The following EPHA3 variants were observed in gnomAD, a reference collection of about 807,000 sequenced individuals.
EPHA3 encodes the protein ephrin type-A receptor 3.
A neutral mutation model predicts 107.1 loss-of-function variants in EPHA3; 42 were observed. The ratio of observed to expected loss-of-function variants is 0.39; its 90% confidence interval spans 0.31 to 0.51. The LOEUF is 0.51. EPHA3 is among the 20% of genes least tolerant of loss of function. The pLI is 0.78. For missense variants in EPHA3, 1,183 were observed against 1,211.2 expected, an observed-to-expected ratio of 0.98 and a Z score of 0.35; for synonymous variants, 461 against 424.8, an observed-to-expected ratio of 1.09 and a Z score of -1.05.
chr3:89,425,754 A>T (rs574474452), intron 11 of EPHA3, among the ~76,000 whole-genome samples: 3 of 151,434 alleles, frequency 2.0e-5, no homozygotes, highest in Non-Finnish European at 4.4e-5. Context: ...TATATTTCAC[A>T]TTATTCTACT....
intron 13 of EPHA3, among the ~76,000 whole-genome samples, chr3:89,433,651 G>A (rs1559694887): frequency 1.3e-5 from 2 of 152,044 alleles, no homozygotes; most frequent in Non-Finnish European, 2.9e-5. Context: ...CACTTAAAAT[G>A]TGTCCTACAT....
chr3:89,351,623 G>A (rs1275441028), intron 5 of EPHA3, among the ~76,000 whole-genome samples: 2 of 151,258 alleles, frequency 1.3e-5, no homozygotes, highest in African/African-American at 2.4e-5. Flanking sequence ...GTTCCTATTC[G>A]GCCATCTTGG....
At chr3:89,240,327 G>A (rs1478787434) in intron 3 of EPHA3, among the ~76,000 whole-genome samples, 5 of 152,020 alleles carry the variant, frequency 3.3e-5, no homozygotes, top group Non-Finnish European at 7.4e-5. Context: ...TCGGGAAAAA[G>A]CATAATTAAT....
intron 15 of EPHA3, among the ~76,000 whole-genome samples, chr3:89,458,936 C>A (rs1470656465): frequency 6.6e-6 from 1 of 152,128 alleles, no homozygotes; most frequent in Non-Finnish European, 1.5e-5. Flanking sequence ...GAACAGAAAA[C>A]CAAACACTGC....
intron 7 of EPHA3, among the ~76,000 whole-genome samples, chr3:89,401,865 G>A (rs1156886812): frequency 2.6e-5 from 4 of 152,114 alleles, no homozygotes; most frequent in African/African-American, 7.2e-5. Context: ...ACCCACCTCA[G>A]CCTCCCAAAG....
intron 2 of EPHA3, among the ~76,000 whole-genome samples, chr3:89,175,540 G>A (rs1300294694): frequency 6.6e-6 from 1 of 152,062 alleles, no homozygotes. Flanking sequence ...TTTGAACCTT[G>A]TTGAGTTATT....
At chr3:89,277,778 C>T (rs1280447622) in intron 3 of EPHA3, among the ~76,000 whole-genome samples, 1 of 152,082 alleles carries the variant, frequency 6.6e-6, no homozygotes, top group East Asian at 1.9e-4. Flanking sequence ...TTCCTTTTCC[C>T]ATTTATGAAA....
At chr3:89,216,454 A>C (rs1473332913) in intron 3 of EPHA3, among the ~76,000 whole-genome samples, 1 of 152,032 alleles carries the variant, frequency 6.6e-6, no homozygotes, top group Non-Finnish European at 1.5e-5. Flanking sequence ...GTTATTGTGA[A>C]TATGTAAAAA....
At chr3:89,413,346 C>T (rs1253736545) in intron 10 of EPHA3, 80 bp downstream of exon 10, 4 of 1,527,820 alleles carry the variant, frequency 2.6e-6, no homozygotes, top group Non-Finnish European at 3.6e-6. Flanking sequence ...AAGTATATTG[C>T]TAAAGAAATG....
intron 2 of EPHA3, among the ~76,000 whole-genome samples, chr3:89,196,497 G>T (rs1047166465): frequency 6.8e-6 from 1 of 148,046 alleles, no homozygotes; most frequent in African/African-American, 2.7e-5. Context: ...TGCATAACAG[G>T]TGTTTGATAA....
chr3:89,299,806 T>C (rs1996069), intron 3 of EPHA3, among the ~76,000 whole-genome samples: 36,101 of 151,832 alleles, frequency 0.24, 4,787 homozygotes, highest in African/African-American at 0.38. Context: ...ACACTGTATA[T>C]GAAATAGGAA....
chr3:89,343,517 T>C (rs1707579488), intron 5 of EPHA3, among the ~76,000 whole-genome samples: 1 of 152,166 alleles, frequency 6.6e-6, no homozygotes. Flanking sequence ...AAGAGGGGTA[T>C]ACAGAGCCTT....
chr3:89,209,218 A>T (rs1706204042), intron 2 of EPHA3, among the ~76,000 whole-genome samples: 1 of 152,164 alleles, frequency 6.6e-6, no homozygotes, highest in Non-Finnish European at 1.5e-5. Context: ...TAAGAATCGA[A>T]TGTTTGCCAT....
Position 89,220,207 on chromosome 3 carries a change from T to C in EPHA3, c.814+9687T>C, listed in dbSNP as rs192271802. On this transcript the variant is annotated intron_variant, in intron 3 of 16. Coordinates refer to ENST00000336596, the MANE Select transcript of EPHA3 (RefSeq NM_005233.6). ...GTTTAATCATTGTCCTTTACAGATA[T>C]GTCTATTAAGGCTAAAGGTTCGAAT... Among the ~76,000 whole-genome samples the C allele has an allele frequency of 1.9e-3, 296 of 152,288 alleles. 2 individuals carry two copies. The highest frequency in any genetic ancestry group is 6.9e-3 in the African/African-American group (286 of 41,564).
At chr3:89,228,742 T>A (rs2107220570) in intron 3 of EPHA3, among the ~76,000 whole-genome samples, 1 of 151,944 alleles carries the variant, frequency 6.6e-6, no homozygotes, top group South Asian at 2.1e-4. Flanking sequence ...ACCAGAGAAG[T>A]ATGTAAGGAC....
chr3:89,356,685 G>A (rs1405404648), intron 5 of EPHA3, among the ~76,000 whole-genome samples: 1 of 151,072 alleles, frequency 6.6e-6, no homozygotes, highest in African/African-American at 2.4e-5. Flanking sequence ...TATATATAAT[G>A]TATGTATATC....
At chr3:89,389,215 A>T (rs114500621) in intron 5 of EPHA3, among the ~76,000 whole-genome samples, 2,434 of 152,282 alleles carry the variant, frequency 0.016, 69 homozygotes, top group African/African-American at 0.055. Flanking sequence ...AACATTAAGC[A>T]ATGAATGATT....
At chr3:89,168,960 C>G (rs1262048199) in intron 2 of EPHA3, among the ~76,000 whole-genome samples, 2 of 149,780 alleles carry the variant, frequency 1.3e-5, no homozygotes, top group East Asian at 3.9e-4. Flanking sequence ...ATATAAAGCT[C>G]CTCTTTTAAT....
chr3:89,357,235 A>G (rs890629971), intron 5 of EPHA3, among the ~76,000 whole-genome samples: 6 of 150,376 alleles, frequency 4.0e-5, no homozygotes, highest in African/African-American at 1.2e-4. Flanking sequence ...CATTCTGGAT[A>G]AAGAGTTAGA....
Sources: gnomAD v4.1 joint callset for allele counts (sites outside exome capture counted in the v4.1 genomes callset) on GRCh38, gnomAD v4.1.1 for gene constraint, MANE v1.5 for transcripts, NCBI Gene and HGNC (gene_info 2026-07-23, HGNC 2026-07-21) for gene names.